Variants in PSMB7 observed in about 807,000 individuals in gnomAD.
PSMB7 encodes the protein proteasome 20S subunit beta 7, also known as proteasome subunit beta type-7.
Under a neutral mutation model 28.1 loss-of-function variants are expected in PSMB7, and 5 were observed. The ratio of observed to expected loss-of-function variants is 0.18; its 90% CI spans 0.09 to 0.37. The LOEUF (loss-of-function observed/expected upper bound fraction) is 0.37, where lower values mean the gene tolerates loss of function less well. Among genes scored for constraint, PSMB7 ranks in the 10% least tolerant of loss-of-function variants. PSMB7 has a pLI of 1.00. For synonymous variants in PSMB7, 122 were observed against 123.7 expected, an observed-to-expected ratio of 0.99 and a Z score of 0.09; for missense variants, 275 against 346.2, an observed-to-expected ratio of 0.79 and a Z score of 1.63.
At chr9:124,367,238 A>T (rs1830517209) in intron 6 of PSMB7, among the ~76,000 whole-genome samples, 1 of 152,136 alleles carries the variant, frequency 6.6e-6, no homozygotes, top group African/African-American at 2.4e-5. Context: ...TGCCACCTGG[A>T]CTTCTAGCCT....
chr9:124,364,647 C>G (rs1252528040), intron 6 of PSMB7, among the ~76,000 whole-genome samples: 1 of 152,118 alleles, frequency 6.6e-6, no homozygotes, highest in South Asian at 2.1e-4. Flanking sequence ...TTCTCTCTCT[C>G]TGCAAAAACA....
At chr9:124,396,815 T>C (rs1255691786) in intron 5 of PSMB7, 1 of 471,152 alleles carries the variant, frequency 2.1e-6, no homozygotes, top group Non-Finnish European at 4.4e-6. Context: ...AAGCTTCTTC[T>C]GACACTACTT....
At chr9:124,355,076 C>T (rs568731380) in intron 7 of PSMB7, among the ~76,000 whole-genome samples, 2 of 152,362 alleles carry the variant, frequency 1.3e-5, no homozygotes, top group East Asian at 3.9e-4. Flanking sequence ...AGCATCCACC[C>T]TGGGAAGGGC....
intron 6 of PSMB7, among the ~76,000 whole-genome samples, chr9:124,363,669 C>T (rs939899561): frequency 6.6e-6 from 1 of 152,156 alleles, no homozygotes; most frequent in Non-Finnish European, 1.5e-5. Context: ...ATCTTTAACG[C>T]CTAGCTGGTG....
At chr9:124,355,831 G>A (rs573322836) in intron 7 of PSMB7, among the ~76,000 whole-genome samples, 7 of 152,286 alleles carry the variant, frequency 4.6e-5, no homozygotes, top group Admixed American at 1.3e-4. Flanking sequence ...CTGAGCTTCC[G>A]CAAGGTTGAG....
intron 6 of PSMB7, among the ~76,000 whole-genome samples, chr9:124,364,168 A>G (rs1257970021): frequency 3.3e-5 from 5 of 152,248 alleles, no homozygotes; most frequent in African/African-American, 1.2e-4. Flanking sequence ...TTATTTATTG[A>G]ATTCCCAACT....
intron 6 of PSMB7, among the ~76,000 whole-genome samples, chr9:124,382,794 C>T (rs1260197852): frequency 2.6e-5 from 4 of 152,148 alleles, no homozygotes; most frequent in Admixed American, 6.5e-5. Context: ...GAATTCACAG[C>T]CTTTGAACCA....
At chr9:124,357,275 G>C (rs749407664) in intron 6 of PSMB7, among the ~76,000 whole-genome samples, 1 of 152,116 alleles carries the variant, frequency 6.6e-6, no homozygotes, top group Non-Finnish European at 1.5e-5. Flanking sequence ...ACTCTGTCAC[G>C]CTAGCACAAA....
chr9:124,355,628 C>T (rs1214783507), intron 7 of PSMB7, among the ~76,000 whole-genome samples: 1 of 152,252 alleles, frequency 6.6e-6, no homozygotes. Flanking sequence ...CAACACAGCT[C>T]TGGGCCTGAA....
chr9:124,410,714 C>T (rs1831019867), intron 4 of PSMB7, among the ~76,000 whole-genome samples: 1 of 152,174 alleles, frequency 6.6e-6, no homozygotes, highest in African/African-American at 2.4e-5. Context: ...GCTTTGGTCT[C>T]ATTTGTAAAA....
At chr9:124,401,883 G>T (rs1415970154) in intron 5 of PSMB7, among the ~76,000 whole-genome samples, 1 of 152,080 alleles carries the variant, frequency 6.6e-6, no homozygotes, top group Non-Finnish European at 1.5e-5. Context: ...GCTGAGCATG[G>T]TGGTGCATGC....
At chr9:124,407,285 C>T (rs1830975868) in intron 4 of PSMB7, among the ~76,000 whole-genome samples, 1 of 152,218 alleles carries the variant, frequency 6.6e-6, no homozygotes. Context: ...CCAATACTTG[C>T]CCTGTTCCTT....
chr9:124,371,112 G>A (rs1180266356), intron 6 of PSMB7, among the ~76,000 whole-genome samples: 1 of 152,150 alleles, frequency 6.6e-6, no homozygotes, highest in Non-Finnish European at 1.5e-5. Flanking sequence ...TGTCTTTAGG[G>A]TCCGGGAGTC....
chr9:124,382,198 CTCTTT>C (rs1463306151), intron 6 of PSMB7, among the ~76,000 whole-genome samples: 25 of 88,938 alleles, frequency 2.8e-4, no homozygotes, highest in African/African-American at 9.1e-4. Flanking sequence ...TCTCTCTTTT[CTCTTT>C]TTTTTTTTTT....
intron 6 of PSMB7, among the ~76,000 whole-genome samples, chr9:124,361,104 GT>G (rs1303820620): frequency 6.6e-6 from 1 of 152,104 alleles, no homozygotes; most frequent in African/African-American, 2.4e-5. Flanking sequence ...ACTCCCTAAA[GT>G]TCAGAAAATA....
chr9:124,365,269 G>C (rs767296196), intron 6 of PSMB7, among the ~76,000 whole-genome samples: 5 of 151,986 alleles, frequency 3.3e-5, no homozygotes, highest in Non-Finnish European at 5.9e-5. Context: ...AATGAGGTAA[G>C]AGCTAGCTAG....
rs149977110 is a variant in PSMB7, at chr9:124,393,276, A to G, written c.512-8620T>C. Among the ~76,000 whole-genome samples the G allele has an allele frequency of 2.9e-3, 437 of 152,358 alleles. No homozygotes were observed. In the Middle Eastern group the frequency reaches 0.031, roughly 11 times the overall value. On this transcript the variant is annotated intron_variant, in intron 5 of 7. Transcript: ENST00000259457. ...TTTAATTGTATGCATGCATTTCATT[A>G]TAAGTCCTGGCCAAAAGCTTCCCGG...
At chr9:124,387,181 G>C (rs1466907003) in intron 5 of PSMB7, among the ~76,000 whole-genome samples, 1 of 152,174 alleles carries the variant, frequency 6.6e-6, no homozygotes, top group Non-Finnish European at 1.5e-5. Flanking sequence ...GGGAGGCAGA[G>C]TTTGCAGTGA....
intron 6 of PSMB7, among the ~76,000 whole-genome samples, chr9:124,369,649 T>C (rs1250573324): frequency 6.6e-6 from 1 of 152,120 alleles, no homozygotes; most frequent in African/African-American, 2.4e-5. Context: ...TGTCTGCCAT[T>C]TCCCTTCCCA....
Sources: gnomAD v4.1 joint callset for allele counts (sites outside exome capture counted in the v4.1 genomes callset) on GRCh38, gnomAD v4.1.1 for gene constraint, MANE v1.5 for transcripts, NCBI Gene and HGNC (gene_info 2026-07-23, HGNC 2026-07-21) for gene names.